SHTN1: variants seen among roughly 807,000 people sequenced by gnomAD.
SHTN1 encodes shootin-1.
In SHTN1, 42 loss-of-function variants were observed where a neutral mutation model predicts 83.1. That is an observed-to-expected ratio of 0.51 (90% CI 0.39 to 0.65). SHTN1 has a LOEUF of 0.65. Ranked by LOEUF, SHTN1 falls within the 30% of genes least tolerant of loss-of-function variation. The pLI is 0.00. For missense variants in SHTN1, 622 were observed against 737.8 expected (o/e 0.84, Z 1.82); for synonymous variants, 224 against 247.7 (o/e 0.90, Z 0.90).
intron 8 of SHTN1, among the ~76,000 whole-genome samples, chr10:116,941,739 G>C (rs1478920378): frequency 3.9e-5 from 6 of 152,156 alleles, no homozygotes; most frequent in Admixed American, 3.3e-4. Context: ...CATGTGGCAA[G>C]ACCACAGCTT....
intron 1 of SHTN1, among the ~76,000 whole-genome samples, chr10:117,085,580 A>G (rs1853337929): frequency 6.6e-6 from 1 of 152,226 alleles, no homozygotes; most frequent in South Asian, 2.1e-4. Flanking sequence ...TGAGCTCAAA[A>G]AGATGCATAT....
intron 2 of SHTN1, among the ~76,000 whole-genome samples, chr10:117,027,018 A>C (rs1852342136): frequency 1.3e-5 from 2 of 152,248 alleles, no homozygotes; most frequent in Admixed American, 1.3e-4. Context: ...CTCCAGCTCC[A>C]GGTGGCTCAG....
chr10:117,010,515 C>A (rs1351699362), upstream of SHTN1, among the ~76,000 whole-genome samples: 2 of 152,114 alleles, frequency 1.3e-5, no homozygotes, highest in African/African-American at 4.8e-5. Context: ...AAAGAATTAA[C>A]ACCAGTCTTT....
At chr10:116,972,157 A>G (rs928509626) in intron 2 of SHTN1, among the ~76,000 whole-genome samples, 1 of 152,206 alleles carries the variant, frequency 6.6e-6, no homozygotes, top group Non-Finnish European at 1.5e-5. Flanking sequence ...ACATGCAGGT[A>G]GCCCATTTCT....
intron 1 of SHTN1, among the ~76,000 whole-genome samples, chr10:117,069,691 A>G (rs952248547): frequency 2.0e-5 from 3 of 152,180 alleles, no homozygotes; most frequent in Admixed American, 6.5e-5. Flanking sequence ...TTTCCTCTCT[A>G]TAACTAAGAA....
At chr10:117,015,661 C>CA (rs369855936) in intron 2 of SHTN1, among the ~76,000 whole-genome samples, 26 of 152,262 alleles carry the variant, frequency 1.7e-4, no homozygotes, top group African/African-American at 6.0e-4. Flanking sequence ...CAAATCCAGC[C>CA]ACTATCTACA....
At chr10:117,074,880 T>C (rs1853130402) in intron 1 of SHTN1, among the ~76,000 whole-genome samples, 1 of 152,102 alleles carries the variant, frequency 6.6e-6, no homozygotes, top group Non-Finnish European at 1.5e-5. Context: ...CTGAGAGTCA[T>C]CCTGGTCAAA....
At chr10:116,968,792 A>G in intron 2 of SHTN1, 80 bp from the exon 3 acceptor site, 2 of 1,035,280 alleles carry the variant, frequency 1.9e-6, no homozygotes, top group South Asian at 1.4e-5. Flanking sequence ...GCAAACTTAT[A>G]AACAACAGCA....
intron 1 of SHTN1, among the ~76,000 whole-genome samples, chr10:117,077,281 G>C (rs1853173231): frequency 6.6e-6 from 1 of 152,146 alleles, no homozygotes; most frequent in African/African-American, 2.4e-5. Context: ...TAAAGACAAC[G>C]AAGAGCTAAG....
At chr10:116,950,390 A>C (rs767670613) in intron 6 of SHTN1, among the ~76,000 whole-genome samples, 6 of 151,900 alleles carry the variant, frequency 3.9e-5, no homozygotes, top group Admixed American at 2.0e-4. Context: ...CTGATCTCCA[A>C]CTCCTGGGCT....
At chr10:117,048,013 G>A (rs1852691328) in intron 2 of SHTN1, among the ~76,000 whole-genome samples, 2 of 152,162 alleles carry the variant, frequency 1.3e-5, no homozygotes, top group Non-Finnish European at 2.9e-5. Flanking sequence ...GAAACACTGT[G>A]AACAAACTAC....
rs116762742 is a variant in SHTN1, at chr10:116,949,480, A to G, written c.535-483T>C. Among the ~76,000 whole-genome samples, 833 of 152,250 alleles carry G rather than the reference A, an allele frequency of 5.5e-3. 6 individuals are homozygous for G. The highest frequency in any genetic ancestry group is 0.019 in the African/African-American group (770 of 41,546). On this transcript the variant is annotated intron_variant, in intron 6 of 16. Coordinates refer to ENST00000355371, the MANE Select transcript of SHTN1 (RefSeq NM_001127211.3). Reference sequence around the variant, plus strand: ...TCCAACTAAAGATCACCCAGAAAATACAAGAATCATTTAGTCAAGATCCGA... The same window carrying G: ...TCCAACTAAAGATCACCCAGAAAATGCAAGAATCATTTAGTCAAGATCCGA...
At chr10:116,919,525 C>T (rs1302173710) in intron 12 of SHTN1, among the ~76,000 whole-genome samples, 1 of 152,062 alleles carries the variant, frequency 6.6e-6, no homozygotes, top group African/African-American at 2.4e-5. Context: ...AAGAAATTCT[C>T]GAATAATTTT....
At chr10:116,988,495 T>A (rs1329901954) in intron 1 of SHTN1, among the ~76,000 whole-genome samples, 1 of 148,670 alleles carries the variant, frequency 6.7e-6, no homozygotes. Flanking sequence ...TATTTTTTCT[T>A]TTACTTATTT....
intron 8 of SHTN1, 129 bp from the exon 9 acceptor site, chr10:116,940,741 G>C: frequency 4.8e-6 from 3 of 620,276 alleles, no homozygotes; most frequent in Non-Finnish European, 7.7e-6. Context: ...ACTTCTATAA[G>C]TTTTAGAAGT....
chr10:116,987,633 G>A (rs956059705), intron 1 of SHTN1, among the ~76,000 whole-genome samples: 4 of 151,962 alleles, frequency 2.6e-5, no homozygotes, highest in African/African-American at 9.7e-5. Context: ...AGATCAGTGG[G>A]AGGTCAGACG....
At chr10:117,095,226 T>G (rs764494728) in intron 1 of SHTN1, among the ~76,000 whole-genome samples, 6 of 152,228 alleles carry the variant, frequency 3.9e-5, no homozygotes, top group East Asian at 1.9e-4. Flanking sequence ...CAATGTCCGC[T>G]AGCCATTTCC....
intron 1 of SHTN1, among the ~76,000 whole-genome samples, chr10:117,003,336 G>C (rs1035678454): frequency 6.7e-6 from 1 of 148,640 alleles, no homozygotes; most frequent in Non-Finnish European, 1.5e-5. Flanking sequence ...TAAATTCACT[G>C]ATGCTTGTGA....
At chr10:116,888,097 C>A (rs1847220564) in intron 16 of SHTN1, among the ~76,000 whole-genome samples, 1 of 152,178 alleles carries the variant, frequency 6.6e-6, no homozygotes, top group South Asian at 2.1e-4. Flanking sequence ...AAGTGACAAA[C>A]ACTATGTCTT....
Sources: allele counts gnomAD v4.1 joint callset (sites outside exome capture counted in the v4.1 genomes callset), GRCh38; gene constraint gnomAD v4.1.1; transcripts MANE v1.5; gene names NCBI Gene and HGNC (gene_info 2026-07-23, HGNC 2026-07-21).